The following ANK2 variants were observed in gnomAD, a reference collection of about 807,000 sequenced individuals.
The protein encoded by ANK2 is ankyrin 2, also known as ankyrin-2.
A neutral mutation model predicts 360.5 loss-of-function variants in ANK2; 83 were observed. The ratio of observed to expected loss-of-function variants is 0.23; its 90% CI spans 0.19 to 0.28. The LOEUF (loss-of-function observed/expected upper bound fraction) is 0.28. ANK2 is among the 10% of genes least tolerant of loss of function. ANK2 has a pLI of 1.00. For missense variants in ANK2, 4,201 were observed against 4,795.7 expected, an observed-to-expected ratio of 0.88 and a Z score of 3.66; for synonymous variants, 1,740 against 1,759.5, an observed-to-expected ratio of 0.99 and a Z score of 0.28.
At chr4:112,849,147 T>C (rs1046429856) in intron 1 of ANK2, among the ~76,000 whole-genome samples, 1 of 152,316 alleles carries the variant, frequency 6.6e-6, no homozygotes, top group East Asian at 1.9e-4. Context: ...GTAAGACAAA[T>C]TGATGTATTC....
rs570211174 is a variant in ANK2, at chr4:113,334,407, A to C, written c.3379+1199A>C. On this transcript the variant is annotated intron_variant, in intron 29 of 45. Coordinates refer to ENST00000357077, the MANE Select transcript of ANK2 (RefSeq NM_001148.6). Reference sequence around the variant, plus strand: ...TAGGTTTAGGATATTTTCCTCTGAGATATTTACCTATCAATGACACTGCCA... The same window carrying C: ...TAGGTTTAGGATATTTTCCTCTGAGCTATTTACCTATCAATGACACTGCCA... 1.9e-4 allele frequency among the ~76,000 whole-genome samples: 29 copies of C among 152,196 alleles called. No individual in the cohort carries two copies. The South Asian group carries it at 5.4e-3, about 28-fold the overall frequency.
chr4:112,774,870 AAG>A, the ANK2 span, among the ~76,000 whole-genome samples: 1 of 152,236 alleles, frequency 6.6e-6, no homozygotes, highest in African/African-American at 2.4e-5. Context: ...CGTTTTTGAG[AAG>A]AGATTTAACG....
the ANK2 span, among the ~76,000 whole-genome samples, chr4:112,726,647 C>T: frequency 6.6e-6 from 1 of 151,856 alleles, no homozygotes; most frequent in East Asian, 1.9e-4. Context: ...GTCAGGAGAT[C>T]GAGACCATCC....
chr4:112,973,341 A>G (rs1441237773), intron 2 of ANK2, among the ~76,000 whole-genome samples: 2 of 152,168 alleles, frequency 1.3e-5, no homozygotes, highest in Admixed American at 6.6e-5. Flanking sequence ...CATTTTTATC[A>G]CTCTTTATAG....
In ANK2 at chr4:113,142,279, T is replaced by C. The variant is rs535748854; in HGVS notation, c.85-32137T>C. 4.6e-5 allele frequency among the ~76,000 whole-genome samples: 7 copies of C among 152,318 alleles called. No homozygotes were observed. In the East Asian group the frequency reaches 1.2e-3, roughly 25 times the overall value. Reference sequence around the variant, plus strand: ...CACCCAAGCTTCTGTGCCAGACCTGTCTGGCAGCCACCCTTGGTTAACCAC... The same window carrying C: ...CACCCAAGCTTCTGTGCCAGACCTGCCTGGCAGCCACCCTTGGTTAACCAC... On this transcript the variant is annotated intron_variant, in intron 1 of 45. Coordinates refer to ENST00000357077, the MANE Select transcript of ANK2 (RefSeq NM_001148.6).
chr4:113,127,553 T>A (rs2095739056), intron 1 of ANK2, among the ~76,000 whole-genome samples: 1 of 152,074 alleles, frequency 6.6e-6, no homozygotes, highest in Non-Finnish European at 1.5e-5. Flanking sequence ...AATAGCTGGT[T>A]GCTTTTAAGA....
At chr4:113,060,987 C>G (rs928976764) in intron 1 of ANK2, among the ~76,000 whole-genome samples, 2 of 152,120 alleles carry the variant, frequency 1.3e-5, no homozygotes, top group African/African-American at 4.8e-5. Flanking sequence ...ACTAATCTAT[C>G]ATGTGCTCCA....
rs773074219 is a variant in ANK2, at chr4:112,895,548, TTAAA to T, written c.-39-8904_-39-8901del. Among the ~76,000 whole-genome samples, 114 of 152,130 alleles carry T rather than the reference TTAAA, an allele frequency of 7.5e-4. 1 individual carries two copies. The highest frequency in any genetic ancestry group is 1.3e-3 in the Non-Finnish European group (87 of 68,006). On this transcript the variant is annotated intron_variant, in intron 1 of 30. Transcript: ENST00000503271. ...TTATCATTATCTGTTCTCTGGGGAG[TTAAA>T]TAGATTTTTTTTAATGCTCCACTGA... is the stretch of plus-strand genomic sequence containing the variant.
intron 33 of ANK2, among the ~76,000 whole-genome samples, chr4:113,342,742 A>C (rs2094440656): frequency 6.6e-6 from 1 of 152,042 alleles, no homozygotes; most frequent in South Asian, 2.1e-4. Flanking sequence ...TAAATTTAGG[A>C]TTTAAATGTA....
chr4:113,340,838 GACA>G (rs2094197500), intron 32 of ANK2, among the ~76,000 whole-genome samples: 1 of 142,066 alleles, frequency 7.0e-6, no homozygotes, highest in Admixed American at 7.3e-5. Flanking sequence ...GACAGAGCGA[GACA>G]ACGTCTCAAA....
intron 2 of ANK2, among the ~76,000 whole-genome samples, chr4:112,926,458 G>C (rs940387572): frequency 6.6e-6 from 1 of 152,218 alleles, no homozygotes; most frequent in African/African-American, 2.4e-5. Flanking sequence ...GAACAGGTCA[G>C]TGATTGATTC....
intron 2 of ANK2, among the ~76,000 whole-genome samples, chr4:112,936,320 A>G (rs1042363514): frequency 6.6e-6 from 1 of 151,830 alleles, no homozygotes; most frequent in South Asian, 2.1e-4. Context: ...AGCACTTTCT[A>G]TGTGCTAGAT....
chr4:112,986,830 C>T (rs2045046281), intron 2 of ANK2, among the ~76,000 whole-genome samples: 1 of 152,182 alleles, frequency 6.6e-6, no homozygotes, highest in African/African-American at 2.4e-5. Flanking sequence ...GATGGCAACA[C>T]TGTGCGATGT....
intron 4 of ANK2, among the ~76,000 whole-genome samples, chr4:113,228,833 T>C (rs2099256042): frequency 6.6e-6 from 1 of 152,126 alleles, no homozygotes. Context: ...TTTTTTAAAT[T>C]AAAAACTACA....
At chr4:113,109,990 A>G (rs1002752525) in intron 1 of ANK2, among the ~76,000 whole-genome samples, 5 of 152,206 alleles carry the variant, frequency 3.3e-5, no homozygotes, top group African/African-American at 1.2e-4. Flanking sequence ...ATATTTATGG[A>G]ATATGAGTTT....
intron 9 of ANK2, among the ~76,000 whole-genome samples, chr4:113,247,418 A>G (rs755456713): frequency 3.9e-5 from 6 of 152,182 alleles, no homozygotes; most frequent in Non-Finnish European, 7.3e-5. Flanking sequence ...ACCTTGCATC[A>G]TTAAATGTAG....
chr4:113,330,236 T>C lies in ANK2; in HGVS notation c.2901-10T>C, dbSNP rs772218363. The C allele has an allele frequency of 1.2e-6, 2 of 1,612,292 alleles. No individual in the cohort carries two copies. Among genetic ancestry groups the C allele is most frequent in the South Asian group, 2.2e-5 (2 of 90,738 alleles). On this transcript the variant is annotated splice_polypyrimidine_tract_variant and intron_variant, in intron 26 of 45. Coordinates refer to ENST00000357077, the MANE Select transcript of ANK2 (RefSeq NM_001148.6). ...TCAAAACATATCTAATCTTCTATTT[T>C]AATTTTTAGTTTCCTGGTTAGTTTT...
chr4:112,922,357 T>A (rs1330643625), intron 2 of ANK2, among the ~76,000 whole-genome samples: 2 of 152,176 alleles, frequency 1.3e-5, no homozygotes, highest in African/African-American at 2.4e-5. Flanking sequence ...GTGACTGGGT[T>A]TTTTTACTAT....
chr4:113,316,166 A>G (rs1171736103), intron 24 of ANK2, among the ~76,000 whole-genome samples: 1 of 152,254 alleles, frequency 6.6e-6, no homozygotes, highest in Non-Finnish European at 1.5e-5. Context: ...GGCTCTGTCA[A>G]GAGCCTCAAT....
Sources: gnomAD v4.1 joint callset for allele counts (sites outside exome capture counted in the v4.1 genomes callset) on GRCh38, gnomAD v4.1.1 for gene constraint, MANE v1.5 for transcripts, NCBI Gene and HGNC (gene_info 2026-07-23, HGNC 2026-07-21) for gene names.